CDH4: variants seen among roughly 807,000 people sequenced by gnomAD.
CDH4 encodes cadherin-4.
Under a neutral mutation model 86.0 loss-of-function variants are expected in CDH4, and 33 were observed. The ratio of observed to expected loss-of-function variants is 0.38; its 90% confidence interval spans 0.29 to 0.51. CDH4 has a LOEUF of 0.51. Ranked by LOEUF, CDH4 falls within the 20% of genes least tolerant of loss-of-function variation. CDH4 has a pLI of 0.86. For synonymous variants in CDH4, 555 were observed against 549.4 expected, an observed-to-expected ratio of 1.01 and a Z score of -0.14; for missense variants, 1,114 against 1,307.4, an observed-to-expected ratio of 0.85 and a Z score of 2.28.
At chr20:61,543,204 G>A (rs1185660568) in intron 2 of CDH4, among the ~76,000 whole-genome samples, 1 of 152,144 alleles carries the variant, frequency 6.6e-6, no homozygotes, top group Non-Finnish European at 1.5e-5. Flanking sequence ...AACCTTCTTT[G>A]GCAACGCCCT....
rs372507435 is a variant in CDH4, at chr20:61,285,811, G to A, written c.169+30874G>A. Among the ~76,000 whole-genome samples the A allele has an allele frequency of 3.0e-4, 46 of 152,258 alleles. 1 individual carries two copies. Among genetic ancestry groups the A allele is most frequent in the Admixed American group, 1.4e-3 (22 of 15,288 alleles). Reference sequence around the variant, plus strand: ...GTTCTGCCTCATTAGAAGACCTGGCGCAGACGCCCCTGAAAGCCCACGTGG... The same window carrying A: ...GTTCTGCCTCATTAGAAGACCTGGCACAGACGCCCCTGAAAGCCCACGTGG... On this transcript the variant is annotated intron_variant, in intron 2 of 15. Coordinates refer to ENST00000614565, the MANE Select transcript of CDH4 (RefSeq NM_001794.5).
At position 61,480,926 on chromosome 20, in the gene CDH4, G is replaced by A. The variant is rs925329441; in HGVS notation, c.169+225989G>A. Among the ~76,000 whole-genome samples the A allele has an allele frequency of 6.6e-6, 1 of 152,162 alleles. No homozygotes were observed. Among genetic ancestry groups the A allele is most frequent in the Non-Finnish European group, 1.5e-5 (1 of 68,034 alleles). On this transcript the variant is annotated intron_variant, in intron 2 of 15. Coordinates refer to ENST00000614565, the MANE Select transcript of CDH4 (RefSeq NM_001794.5). The surrounding 1 kb of genome is among the most constrained non-coding windows in gnomAD (Gnocchi z 5.2). ...TTGTGCGACCAAGATTATACAACTC[G>A]GATGCTACTGTTTATAAAGTGTGTC...
chr20:61,780,645 A>G, intron 4 of CDH4, among the ~76,000 whole-genome samples: 1 of 152,242 alleles, frequency 6.6e-6, no homozygotes, highest in Non-Finnish European at 1.5e-5. Context: ...GGTTTATTTC[A>G]TTCTAACACT....
chr20:61,577,129 G>GTGTGTGTTGAAGGATGAGTGGATGTTT (rs1204380794), intron 2 of CDH4, among the ~76,000 whole-genome samples: 6 of 152,122 alleles, frequency 3.9e-5, no homozygotes, highest in African/African-American at 7.2e-5. Context: ...AGTGGATGTT[G>GTGTGTGTTGAAGGATGAGTGGATGTTT]TGTGTGTTGA....
chr20:61,489,087 T>C (rs1184705709), intron 2 of CDH4, among the ~76,000 whole-genome samples: 4 of 152,202 alleles, frequency 2.6e-5, no homozygotes, highest in African/African-American at 9.6e-5. Flanking sequence ...TGGAAGCTCC[T>C]GGGTATTAAG....
chr20:61,876,367 A>T (rs566291129), intron 7 of CDH4, among the ~76,000 whole-genome samples: 1 of 152,384 alleles, frequency 6.6e-6, no homozygotes, highest in East Asian at 1.9e-4. Flanking sequence ...GGCTGGCTGC[A>T]TGCTGGCCGC....
At chr20:61,519,073 A>G (rs1404988531) in intron 2 of CDH4, among the ~76,000 whole-genome samples, 3 of 152,208 alleles carry the variant, frequency 2.0e-5, no homozygotes, top group Non-Finnish European at 4.4e-5. Context: ...GTCGCTGAGT[A>G]TGACCATCAC....
Position 61,838,222 on chromosome 20 carries a change from G to T in CDH4, c.577-6446G>T, listed in dbSNP as rs1981968608. ...CATTTCACTTGTTTGTCCAGGAACG[G>T]TTGGGCCCTACCTACCAACAGGCCA... On this transcript the variant is annotated intron_variant, in intron 4 of 15. Transcript: ENST00000614565. Among the ~76,000 whole-genome samples the T allele has an allele frequency of 2.0e-5, 3 of 152,074 alleles. No homozygotes were observed. In the South Asian group the frequency reaches 6.2e-4, roughly 32 times the overall value.
intron 11 of CDH4, among the ~76,000 whole-genome samples, chr20:61,925,897 C>T (rs1156385757): frequency 3.9e-5 from 6 of 152,264 alleles, no homozygotes; most frequent in African/African-American, 9.6e-5. Flanking sequence ...GAAAGCCCCA[C>T]GCAAGTCCTC....
intron 2 of CDH4, among the ~76,000 whole-genome samples, chr20:61,352,818 G>C (rs1232445456): frequency 1.3e-5 from 2 of 151,992 alleles, no homozygotes; most frequent in Non-Finnish European, 2.9e-5. Context: ...TCTGCTCTTC[G>C]GAGTTCTTCA....
intron 2 of CDH4, among the ~76,000 whole-genome samples, chr20:61,671,778 G>A (rs563083065): frequency 4.0e-5 from 6 of 151,414 alleles, no homozygotes; most frequent in Middle Eastern, 3.4e-3. Flanking sequence ...ATGGATGATG[G>A]ATCAATGGAT....
Position 61,502,765 on chromosome 20 carries a change from AT to A in CDH4, c.170-240796del, listed in dbSNP as rs142806104. Among the ~76,000 whole-genome samples the A allele has an allele frequency of 2.0e-3, 312 of 152,318 alleles. 1 individual carries two copies. Among genetic ancestry groups the A allele is most frequent in the Middle Eastern group, 0.01 (3 of 294 alleles). On this transcript the variant is annotated intron_variant, in intron 2 of 15. Coordinates refer to ENST00000614565, the MANE Select transcript of CDH4 (RefSeq NM_001794.5). Reference sequence around the variant, plus strand: ...ATTTTCTTTTTTGTTACTGGCAGAAATTACTCTTACCAGAACTAGCTTATTG... The same window carrying A: ...ATTTTCTTTTTTGTTACTGGCAGAAATACTCTTACCAGAACTAGCTTATTG...
intron 6 of CDH4, among the ~76,000 whole-genome samples, chr20:61,853,616 A>G (rs1036761267): frequency 6.6e-6 from 1 of 152,180 alleles, no homozygotes; most frequent in Non-Finnish European, 1.5e-5. Flanking sequence ...CCCCACCAGC[A>G]GTGAGGAGGC....
chr20:61,509,633 C>T (rs911215949), intron 2 of CDH4, among the ~76,000 whole-genome samples: 3 of 151,786 alleles, frequency 2.0e-5, no homozygotes, highest in African/African-American at 7.3e-5. Context: ...CATGCACAGC[C>T]GGCCCACACT....
chr20:61,908,652 C>T (rs1267357339), intron 8 of CDH4, among the ~76,000 whole-genome samples: 1 of 148,376 alleles, frequency 6.7e-6, no homozygotes, highest in Admixed American at 6.6e-5. Flanking sequence ...AGGCTCCCTT[C>T]TTTGGGCTTG....
intron 2 of CDH4, among the ~76,000 whole-genome samples, chr20:61,286,891 CA>C (rs1315965446): frequency 8.5e-5 from 13 of 152,176 alleles, no homozygotes; most frequent in African/African-American, 3.1e-4. Context: ...TCAAGTAGGC[CA>C]GATGGAAGAA....
rs139705906 is a variant in CDH4, at chr20:61,684,512, C to T, written c.170-59051C>T. 2.0e-5 allele frequency among the ~76,000 whole-genome samples: 3 copies of T among 152,290 alleles called. No individual in the cohort carries two copies. The highest frequency in any genetic ancestry group is 2.9e-5 in the Non-Finnish European group (2 of 68,018). On this transcript the variant is annotated intron_variant, in intron 2 of 15. Coordinates refer to ENST00000614565, the MANE Select transcript of CDH4 (RefSeq NM_001794.5). The surrounding 1 kb of genome is among the most constrained non-coding windows in gnomAD (Gnocchi z 4.5). Reference sequence around the variant, plus strand: ...TTCGGAGGCAACCATCTCCTGGCCGCCTGTTCCATATCACACACAAGGTCC... The same window carrying T: ...TTCGGAGGCAACCATCTCCTGGCCGTCTGTTCCATATCACACACAAGGTCC...
chr20:61,312,810 C>T lies in CDH4; in HGVS notation c.169+57873C>T, dbSNP rs8126060. On this transcript the variant is annotated intron_variant, in intron 2 of 15. Coordinates refer to ENST00000614565, the MANE Select transcript of CDH4 (RefSeq NM_001794.5). Reference sequence around the variant, plus strand: ...GCTCTGCCCCCTAGAGCTTGTGGGACGGGACACCAAAGTGCCTGCAGTCCC... The same window carrying T: ...GCTCTGCCCCCTAGAGCTTGTGGGATGGGACACCAAAGTGCCTGCAGTCCC... Among the ~76,000 whole-genome samples the T allele has an allele frequency of 2.9e-3, 436 of 152,216 alleles. 1 individual carries two copies. Among genetic ancestry groups the T allele is most frequent in the African/African-American group, 9.8e-3 (408 of 41,534 alleles).
At chr20:61,619,843 A>G (rs9973999) in intron 2 of CDH4, among the ~76,000 whole-genome samples, 12,096 of 152,292 alleles carry the variant, frequency 0.079, 1,031 homozygotes, top group African/African-American at 0.22. Context: ...GTTTGCAGCA[A>G]GAGGGGAAGT....
Sources: gnomAD v4.1 joint callset for allele counts (sites outside exome capture counted in the v4.1 genomes callset) on GRCh38, gnomAD v4.1.1 for gene constraint, Gnocchi (gnomAD v3.1) non-coding constraint, MANE v1.5 for transcripts, NCBI Gene and HGNC (gene_info 2026-07-23, HGNC 2026-07-21) for gene names.